The following GAS2 variants were observed in gnomAD, a reference collection of about 807,000 sequenced individuals.
The protein encoded by GAS2 is growth arrest-specific protein 2.
Under a neutral mutation model 37.5 loss-of-function variants are expected in GAS2, and 20 were observed. The observed-to-expected ratio is 0.53, with a 90% CI of 0.37 to 0.77. The LOEUF (loss-of-function observed/expected upper bound fraction) is 0.77. Ranked by LOEUF, GAS2 falls within the 30% of genes least tolerant of loss-of-function variation. The pLI, the probability that GAS2 is intolerant of heterozygous loss-of-function variation, is 0.00. For missense variants in GAS2, 336 were observed against 373.4 expected (o/e 0.90, Z 0.82); for synonymous variants, 144 against 132.2 (o/e 1.09, Z -0.61).
intron 1 of GAS2, chr11:22,626,567 AAG>A (rs1858657282): frequency 6.5e-6 from 1 of 152,728 alleles, no homozygotes. Flanking sequence ...AAACCGTGAC[AAG>A]AGAGTAGGGA....
intron 1 of GAS2, among the ~76,000 whole-genome samples, chr11:22,651,520 A>G (rs1245639178): frequency 3.9e-5 from 6 of 152,206 alleles, no homozygotes; most frequent in Admixed American, 6.5e-5. Flanking sequence ...GTGTTTTCCA[A>G]CTTGGTTCCA....
intron 1 of GAS2, among the ~76,000 whole-genome samples, chr11:22,654,445 G>A (rs1848833567): frequency 1.3e-5 from 2 of 149,656 alleles, no homozygotes; most frequent in Non-Finnish European, 3.0e-5. Context: ...ACCTAGGCTG[G>A]ACTGCAGTGG....
At chr11:22,776,919 C>T (rs1336808942) in intron 7 of GAS2, among the ~76,000 whole-genome samples, 2 of 152,118 alleles carry the variant, frequency 1.3e-5, no homozygotes, top group Non-Finnish European at 2.9e-5. Flanking sequence ...AAACTGGCCT[C>T]TCAGCTTGGC....
intron 1 of GAS2, among the ~76,000 whole-genome samples, chr11:22,649,286 A>G (rs1174321870): frequency 6.6e-6 from 1 of 152,096 alleles, no homozygotes; most frequent in African/African-American, 2.4e-5. Flanking sequence ...CATGGTGGAT[A>G]AGCTTTTTGA....
chr11:22,745,512 G>GA (rs972809235), intron 5 of GAS2, among the ~76,000 whole-genome samples: 14 of 152,170 alleles, frequency 9.2e-5, no homozygotes, highest in South Asian at 8.3e-4. Flanking sequence ...AAGAATTCTA[G>GA]AAAAAATCCT....
chr11:22,723,859 GT>G (rs967094895), intron 3 of GAS2, among the ~76,000 whole-genome samples: 2 of 151,496 alleles, frequency 1.3e-5, no homozygotes, highest in African/African-American at 4.8e-5. Context: ...TTTATAATAT[GT>G]TTTGGCTGAC....
rs1316701506 is a variant in GAS2, at chr11:22,811,899, C to T, written c.825C>T (p.Ser275=). The T allele has an allele frequency of 4.4e-5, 71 of 1,613,982 alleles. No homozygotes were observed. Among genetic ancestry groups the T allele is most frequent in the Non-Finnish European group, 6.0e-5 (71 of 1,180,010 alleles). ...ACCCCTGCCGAATGCTGCAGATCTC[C>T]CGTGTGGATGGCAAAACATCCCCTA... ...KHDPCRMLQI[S]RVDGKTSPIQ... Residue 275 remains serine, a synonymous_variant, in exon 8 of 8, where the codon TCC becomes TCT. Transcript: ENST00000454584.
At chr11:22,666,027 C>G (rs191383991), upstream of GAS2, among the ~76,000 whole-genome samples, 3 of 152,358 alleles carry the variant, frequency 2.0e-5, no homozygotes, top group Admixed American at 2.0e-4. Flanking sequence ...GATCAGCACA[C>G]TCAGCAAGCG....
Position 22,755,902 on chromosome 11 carries a change from G to A in GAS2, c.672G>A (p.Glu224=), listed in dbSNP as rs1302920833. ...AATGCCCAAACAAGTTCTGTGTGGAGCGGCTCTCCCAAGGAAGATACCGAG... is the reference window on the plus strand; with the variant it reads ...AATGCCCAAACAAGTTCTGTGTGGAACGGCTCTCCCAAGGAAGATACCGAG... ...PCKCPNKFCV[E]RLSQGRYRVG... is the part of the protein sequence containing the mutation. Residue 224 remains glutamate (E), a synonymous_variant, in exon 7 of 8, where the codon GAG becomes GAA. Coordinates refer to ENST00000454584, the MANE Select transcript of GAS2 (RefSeq NM_001143830.3). 1.2e-6 allele frequency: 2 copies of A among 1,613,056 alleles called. No individual in the cohort carries two copies. The highest frequency in any genetic ancestry group is 1.7e-5 in the Admixed American group (1 of 59,942).
Position 22,812,767 on chromosome 11 carries a change from ACAGT to A in GAS2, c.*754_*757del, listed in dbSNP as rs1313864658. 5.9e-5 allele frequency: 9 copies of A among 152,720 alleles called. No homozygotes were observed. The highest frequency in any genetic ancestry group is 1.5e-5 in the Non-Finnish European group (1 of 68,002). The allele number at this position is 152,720 out of a possible 1,614,324, so 9.5% of individuals were successfully genotyped here. A position where few individuals can be genotyped will look rare whatever the true frequency, so the allele number is the denominator to read the frequency against. ...GTTGATACTTTGACGAGTAAATTGT[ACAGT>A]CAAATGTTCATTGATTTCATGTTAT... On this transcript the variant is annotated 3_prime_UTR_variant, in exon 8 of 8. Coordinates refer to ENST00000454584, the MANE Select transcript of GAS2 (RefSeq NM_001143830.3).
intron 3 of GAS2, among the ~76,000 whole-genome samples, chr11:22,703,120 T>C (rs1850930969): frequency 2.6e-5 from 4 of 152,086 alleles, no homozygotes; most frequent in Admixed American, 2.6e-4. Context: ...CATGCACACA[T>C]ACACATTTTT....
chr11:22,769,409 T>G (rs1854860334), intron 7 of GAS2, among the ~76,000 whole-genome samples: 1 of 152,204 alleles, frequency 6.6e-6, no homozygotes, highest in African/African-American at 2.4e-5. Context: ...CTGAAAGAAT[T>G]CCAGGTGAAC....
intron 1 of GAS2, among the ~76,000 whole-genome samples, chr11:22,672,385 A>G (rs1459080174): frequency 1.3e-5 from 2 of 152,140 alleles, no homozygotes; most frequent in African/African-American, 4.8e-5. Flanking sequence ...TAAAAACTTC[A>G]CTGTTTAGAG....
intron 7 of GAS2, among the ~76,000 whole-genome samples, chr11:22,794,110 A>ATTTTTTT (rs3049473): frequency 6.7e-6 from 1 of 149,586 alleles, no homozygotes; most frequent in Non-Finnish European, 1.5e-5. Flanking sequence ...TAATAAAACA[A>ATTTTTTT]TTTTTTTTTT....
chr11:22,632,384 T>C (rs183569267), intron 1 of GAS2, among the ~76,000 whole-genome samples: 15 of 152,200 alleles, frequency 9.9e-5, no homozygotes, highest in Non-Finnish European at 1.9e-4. Flanking sequence ...ACCATAGCCC[T>C]TTCTGGCTTA....
At chr11:22,629,136 A>G (rs1171396395) in intron 1 of GAS2, among the ~76,000 whole-genome samples, 22 of 152,164 alleles carry the variant, frequency 1.4e-4, no homozygotes. Flanking sequence ...AAACATATAC[A>G]TGCAAGTGTC....
At chr11:22,756,071 G>T in intron 7 of GAS2, 118 bp downstream of exon 7, 1 of 662,684 alleles carries the variant, frequency 1.5e-6, no homozygotes, top group Non-Finnish European at 2.5e-6. Flanking sequence ...AAAGATACAT[G>T]GTATGAATTT....
intron 7 of GAS2, among the ~76,000 whole-genome samples, chr11:22,786,153 C>A (rs1855808015): frequency 6.6e-6 from 1 of 152,078 alleles, no homozygotes; most frequent in African/African-American, 2.4e-5. Flanking sequence ...TTAATTATGT[C>A]CCTTAGTTCT....
chr11:22,645,983 A>G (rs1848686613), intron 1 of GAS2, among the ~76,000 whole-genome samples: 1 of 151,696 alleles, frequency 6.6e-6, no homozygotes, highest in African/African-American at 2.4e-5. Context: ...AGCTGGGATT[A>G]CAGGCATGCA....
Sources: gnomAD v4.1 joint callset for allele counts (sites outside exome capture counted in the v4.1 genomes callset) on GRCh38, gnomAD v4.1.1 for gene constraint, MANE v1.5 for transcripts, NCBI Gene and HGNC (gene_info 2026-07-23, HGNC 2026-07-21) for gene names.